RIC8B: variants seen among roughly 807,000 people sequenced by gnomAD.
RIC8B encodes chaperone Ric-8B.
A neutral mutation model predicts 57.5 loss-of-function variants in RIC8B; 16 were observed. The ratio of observed to expected loss-of-function variants is 0.28; its 90% CI spans 0.19 to 0.42. The LOEUF (loss-of-function observed/expected upper bound fraction) is 0.42. RIC8B is among the 10% of genes least tolerant of loss of function. The probability of loss-of-function intolerance (pLI) is 1.00; values close to 1 mark genes in which losing one functional copy is unlikely to be tolerated. For missense variants in RIC8B, 481 were observed against 677.0 expected, an observed-to-expected ratio of 0.71 and a Z score of 3.21; for synonymous variants, 216 against 250.8, an observed-to-expected ratio of 0.86 and a Z score of 1.31.
chr12:106,878,310 T>C (rs1950761404), intron 9 of RIC8B, among the ~76,000 whole-genome samples: 1 of 152,118 alleles, frequency 6.6e-6, no homozygotes, highest in South Asian at 2.1e-4. Flanking sequence ...GGTTATAATA[T>C]TATTGCTGTG....
chr12:106,809,350 C>T (rs916359052), intron 2 of RIC8B, among the ~76,000 whole-genome samples: 4 of 151,946 alleles, frequency 2.6e-5, no homozygotes, highest in African/African-American at 9.7e-5. Context: ...ATGGCGAAAC[C>T]CCATCTCTAC....
At chr12:106,839,002 A>G (rs998262261) in intron 4 of RIC8B, among the ~76,000 whole-genome samples, 7 of 150,106 alleles carry the variant, frequency 4.7e-5, no homozygotes, top group African/African-American at 1.7e-4. Flanking sequence ...AAAAAAAAAA[A>G]CCTCAAAAAA....
At chr12:106,840,075 C>T (rs892828764) in intron 4 of RIC8B, among the ~76,000 whole-genome samples, 1 of 152,028 alleles carries the variant, frequency 6.6e-6, no homozygotes, top group Admixed American at 6.6e-5. Context: ...TTTTAAGATT[C>T]GTTTACATAG....
At chr12:106,810,436 G>A (rs1381459811) in intron 2 of RIC8B, among the ~76,000 whole-genome samples, 1 of 152,146 alleles carries the variant, frequency 6.6e-6, no homozygotes, top group Non-Finnish European at 1.5e-5. Flanking sequence ...TAGTAGTTGA[G>A]GCAAACTCAT....
chr12:106,781,729 C>G (rs904883435), intron 1 of RIC8B, among the ~76,000 whole-genome samples: 1 of 152,010 alleles, frequency 6.6e-6, no homozygotes, highest in African/African-American at 2.4e-5. Context: ...TTCCCCTTAC[C>G]ATTAATGCCA....
At chr12:106,840,555 C>G (rs1363404560) in intron 4 of RIC8B, among the ~76,000 whole-genome samples, 1 of 152,158 alleles carries the variant, frequency 6.6e-6, no homozygotes, top group Non-Finnish European at 1.5e-5. Flanking sequence ...TGACAGAGCT[C>G]AAAAAGCTGG....
chr12:106,825,585 T>C, intron 3 of RIC8B, 141 bp from the exon 4 acceptor site: 1 of 600,150 alleles, frequency 1.7e-6, no homozygotes, highest in Non-Finnish European at 3.1e-6. Context: ...GCCTCAGGAA[T>C]TCTTCCTAGG....
intron 2 of RIC8B, among the ~76,000 whole-genome samples, chr12:106,810,914 G>A (rs561416924): frequency 6.6e-6 from 1 of 152,288 alleles, no homozygotes; most frequent in South Asian, 2.1e-4. Flanking sequence ...CCAGAGACAA[G>A]TAACTTGCCA....
intron 2 of RIC8B, among the ~76,000 whole-genome samples, chr12:106,807,152 T>G (rs2045076835): frequency 6.6e-6 from 1 of 152,224 alleles, no homozygotes; most frequent in African/African-American, 2.4e-5. Context: ...TAGTTGAAAC[T>G]ATGTTTGTTC....
At chr12:106,823,301 G>T (rs918600333) in intron 3 of RIC8B, 2 of 336,640 alleles carry the variant, frequency 5.9e-6, no homozygotes, top group Non-Finnish European at 1.2e-5. Flanking sequence ...AGGAACCAGC[G>T]ATGCAAAGAG....
At chr12:106,851,399 A>G in intron 6 of RIC8B, 51 bp from the exon 7 acceptor site, 2 of 1,573,214 alleles carry the variant, frequency 1.3e-6, no homozygotes, top group Non-Finnish European at 1.7e-6. Context: ...TACCATCCTC[A>G]CTCACTCTAG....
intron 9 of RIC8B, among the ~76,000 whole-genome samples, chr12:106,877,343 C>A (rs772300993): frequency 2.6e-5 from 4 of 152,078 alleles, no homozygotes; most frequent in Non-Finnish European, 5.9e-5. Flanking sequence ...AAATTACCAA[C>A]AGCTCTCAAA....
At chr12:106,847,107 A>G (rs1949228572) in intron 6 of RIC8B, among the ~76,000 whole-genome samples, 1 of 152,198 alleles carries the variant, frequency 6.6e-6, no homozygotes, top group South Asian at 2.1e-4. Flanking sequence ...GAGGTAGAAA[A>G]GAAAGCAAGT....
intron 2 of RIC8B, among the ~76,000 whole-genome samples, chr12:106,792,020 G>T (rs544820646): frequency 6.6e-6 from 1 of 152,144 alleles, no homozygotes; most frequent in Non-Finnish European, 1.5e-5. Context: ...TTTATTTGGT[G>T]TCTTTGCTTG....
At chr12:106,780,411 G>A (rs985875337) in intron 1 of RIC8B, among the ~76,000 whole-genome samples, 1 of 152,186 alleles carries the variant, frequency 6.6e-6, no homozygotes, top group African/African-American at 2.4e-5. Flanking sequence ...TGGCAGTGAG[G>A]TCTTCATTCA....
chr12:106,884,200 C>G (rs1951078179), intron 9 of RIC8B, among the ~76,000 whole-genome samples: 2 of 152,212 alleles, frequency 1.3e-5, no homozygotes, highest in African/African-American at 4.8e-5. Context: ...TCATAATTCT[C>G]TTACAGCATT....
In RIC8B at chr12:106,825,801, A is replaced by C; in HGVS notation, c.817A>C (p.Lys273Gln). ...CLLIVGPTED[K>Q]TEELHSNAVN... ...ACTAATCGTAGGTCCAACTGAAGACAAAACAGAAGAGCTACACAGGTGGGT... is the reference window on the plus strand; with the variant it reads ...ACTAATCGTAGGTCCAACTGAAGACCAAACAGAAGAGCTACACAGGTGGGT... The change falls in exon 4 of 10, where the codon AAA becomes CAA. Residue 273 changes from lysine to glutamine, a missense_variant. Lys to Gln is a moderately conservative substitution (Grantham distance 53). Transcript: ENST00000392837. 6.2e-7 allele frequency: 1 copy of C among 1,612,300 alleles called. No individual in the cohort carries two copies.
chr12:106,868,848 CTTTTT>C (rs572218268), intron 8 of RIC8B, among the ~76,000 whole-genome samples: 1 of 85,538 alleles, frequency 1.2e-5, no homozygotes, highest in Non-Finnish European at 2.4e-5. Context: ...GAGGCCCAAG[CTTTTT>C]TTTTTTTTTT....
intron 2 of RIC8B, among the ~76,000 whole-genome samples, chr12:106,809,168 T>C (rs144457497): frequency 2.8e-3 from 419 of 152,296 alleles, no homozygotes; most frequent in African/African-American, 9.2e-3. Flanking sequence ...ATGATCCGGA[T>C]TGAGTCCTGA....
Sources: allele counts gnomAD v4.1 joint callset (sites outside exome capture counted in the v4.1 genomes callset), GRCh38; gene constraint gnomAD v4.1.1; transcripts MANE v1.5; gene names NCBI Gene and HGNC (gene_info 2026-07-23, HGNC 2026-07-21).